Variants in ATF7 observed in about 807,000 individuals in gnomAD.
The protein encoded by ATF7 is activating transcription factor 7.
ATF7 carries 10 observed loss-of-function variants against 50.4 expected under a neutral mutation model. The ratio of observed to expected loss-of-function variants is 0.20; its 90% confidence interval spans 0.12 to 0.34. The LOEUF (loss-of-function observed/expected upper bound fraction) is 0.34, where lower values mean the gene tolerates loss of function less well. Among genes scored for constraint, ATF7 ranks in the 10% least tolerant of loss-of-function variants. The pLI is 1.00. For synonymous variants in ATF7, 201 were observed against 226.4 expected, an observed-to-expected ratio of 0.89 and a Z score of 1.01; for missense variants, 465 against 613.9, an observed-to-expected ratio of 0.76 and a Z score of 2.56.
chr12:53,520,420 A>C (rs941446395), intron 11 of ATF7, among the ~76,000 whole-genome samples: 1 of 151,586 alleles, frequency 6.6e-6, no homozygotes, highest in Non-Finnish European at 1.5e-5. Context: ...CTAAAATAAC[A>C]AAAAAAAATT....
At chr12:53,540,378 T>C (rs190751410) in intron 4 of ATF7, among the ~76,000 whole-genome samples, 2 of 147,684 alleles carry the variant, frequency 1.4e-5, no homozygotes, top group Admixed American at 1.4e-4. Context: ...GAAAAAAAAG[T>C]AGAACTACAA....
intron 1 of ATF7, among the ~76,000 whole-genome samples, chr12:53,610,713 T>G (rs188869321): frequency 6.6e-6 from 1 of 152,202 alleles, no homozygotes; most frequent in Non-Finnish European, 1.5e-5. Flanking sequence ...ATAAACATGT[T>G]ACATATGCTT....
At chr12:53,595,893 C>T (rs1337531242) in intron 2 of ATF7, among the ~76,000 whole-genome samples, 1 of 152,130 alleles carries the variant, frequency 6.6e-6, no homozygotes, top group Non-Finnish European at 1.5e-5. Flanking sequence ...CCTAAATGTC[C>T]TCTGGGAGAA....
intron 1 of ATF7, among the ~76,000 whole-genome samples, chr12:53,611,797 T>G (rs1278161039): frequency 6.6e-6 from 1 of 152,134 alleles, no homozygotes; most frequent in Admixed American, 6.5e-5. Flanking sequence ...TTTCACTGTG[T>G]TGGCCAGGCT....
intron 1 of ATF7, among the ~76,000 whole-genome samples, chr12:53,619,458 T>A (rs1329267184): frequency 7.7e-6 from 1 of 130,434 alleles, no homozygotes; most frequent in African/African-American, 3.0e-5. Flanking sequence ...CTGCACTGCA[T>A]CCTGGGAGAC....
intron 2 of ATF7, among the ~76,000 whole-genome samples, chr12:53,553,337 G>T (rs1313061545): frequency 6.6e-6 from 1 of 152,164 alleles, no homozygotes; most frequent in East Asian, 1.9e-4. Flanking sequence ...GTACAATGCT[G>T]ATGACTATAT....
intron 2 of ATF7, among the ~76,000 whole-genome samples, chr12:53,578,363 C>CGT (rs1942212361): frequency 1.9e-5 from 1 of 53,642 alleles, no homozygotes; most frequent in South Asian, 1.1e-3. Flanking sequence ...GTGAGATCTT[C>CGT]TCTCAAAAAA....
At chr12:53,525,408 G>C (rs1296363228) in intron 9 of ATF7, among the ~76,000 whole-genome samples, 1 of 152,126 alleles carries the variant, frequency 6.6e-6, no homozygotes, top group African/African-American at 2.4e-5. Context: ...TCAGAATTGG[G>C]GGAGGATTTT....
At chr12:53,614,211 T>C (rs1944017166) in intron 1 of ATF7, among the ~76,000 whole-genome samples, 1 of 151,896 alleles carries the variant, frequency 6.6e-6, no homozygotes, top group Non-Finnish European at 1.5e-5. Context: ...CCCAGAAAGG[T>C]TAATAAAGCA....
chr12:53,536,149 A>G (rs1017187489), intron 5 of ATF7, among the ~76,000 whole-genome samples: 1 of 152,144 alleles, frequency 6.6e-6, no homozygotes, highest in African/African-American at 2.4e-5. Context: ...TGCTATCCTG[A>G]GTTCTATCAT....
intron 2 of ATF7, among the ~76,000 whole-genome samples, chr12:53,587,398 C>T (rs1272299454): frequency 9.2e-6 from 1 of 108,408 alleles, no homozygotes; most frequent in Non-Finnish European, 1.9e-5. Context: ...GAAAACGTGA[C>T]GCACGCCTGT....
In ATF7 at chr12:53,620,735, C is replaced by T. The variant is rs117592789; in HGVS notation, c.-22+5544G>A. Among the ~76,000 whole-genome samples the T allele has an allele frequency of 3.9e-4, 58 of 150,594 alleles. No individual in the cohort carries two copies. In the East Asian group the frequency reaches 0.01, roughly 27 times the overall value. On this transcript the variant is annotated intron_variant, in intron 1 of 11. Coordinates refer to ENST00000420353, the MANE Select transcript of ATF7 (RefSeq NM_006856.3). ...CTGCACTCTAGCCTGGGGAACACAG[C>T]GAGACTTCGTCTCAAAAAAAAAAAG...
At chr12:53,601,619 C>A (rs1943410609) in intron 1 of ATF7, among the ~76,000 whole-genome samples, 1 of 152,148 alleles carries the variant, frequency 6.6e-6, no homozygotes, top group Non-Finnish European at 1.5e-5. Context: ...CCTCCTCCTC[C>A]CCCCACCAAT....
chr12:53,578,802 A>T (rs1045057803), intron 2 of ATF7, among the ~76,000 whole-genome samples: 26 of 151,286 alleles, frequency 1.7e-4, no homozygotes, highest in African/African-American at 4.4e-4. Context: ...AAAAAAAAAA[A>T]ATATCTGGGA....
chr12:53,619,011 C>T (rs920275219), intron 1 of ATF7, among the ~76,000 whole-genome samples: 3 of 147,322 alleles, frequency 2.0e-5, no homozygotes, highest in African/African-American at 7.6e-5. Context: ...AAGACTGCAC[C>T]ACTGCACTCC....
intron 2 of ATF7, among the ~76,000 whole-genome samples, chr12:53,595,927 C>G (rs1290582105): frequency 2.6e-5 from 4 of 152,060 alleles, no homozygotes; most frequent in African/African-American, 4.8e-5. Context: ...GACAGTAGAT[C>G]TCTCCAGGCA....
chr12:53,599,319 C>T (rs906662834), intron 2 of ATF7, among the ~76,000 whole-genome samples: 1 of 151,992 alleles, frequency 6.6e-6, no homozygotes, highest in Non-Finnish European at 1.5e-5. Context: ...GGATTACAGG[C>T]ATGAGCCATA....
chr12:53,514,501 A>G lies in ATF7; in HGVS notation c.*2636T>C, dbSNP rs1944227652. 1 of 152,204 alleles carries G rather than the reference A, an allele frequency of 6.6e-6. No individual in the cohort carries two copies. Among genetic ancestry groups the G allele is most frequent in the Non-Finnish European group, 1.5e-5 (1 of 68,044 alleles). The allele number at this position is 152,204 out of a possible 1,614,324, so 9.4% of individuals were successfully genotyped here. A position where few individuals can be genotyped will look rare whatever the true frequency, so the allele number is the denominator to read the frequency against. The stretch of plus-strand genomic sequence containing the variant: ...AACAAGGTAAGTGAAGTTACCTTTG[A>G]CTATCAGAGAAGTTTCAGGGCAGCA... On this transcript the variant is annotated 3_prime_UTR_variant, in exon 12 of 12. Transcript: ENST00000420353.
At position 53,524,585 on chromosome 12, in the gene ATF7, A is replaced by T. The variant is rs1208427858; in HGVS notation, c.1104T>A (p.Thr368=). 3.1e-6 allele frequency: 5 copies of T among 1,613,962 alleles called. No individual in the cohort carries two copies. Among genetic ancestry groups the T allele is most frequent in the Non-Finnish European group, 3.4e-6 (4 of 1,179,896 alleles). Residue 368 remains threonine, a synonymous_variant, in exon 10 of 12, where the codon ACT becomes ACA. Transcript: ENST00000420353. This position sits in a 1 kb window ranked among gnomAD's most constrained non-coding sequence, Gnocchi z 4.6. ...TCACACTCAGCTGAATGTTCTGAGA[A>T]GTGAGTTCTTCGGCCTTCTTCTCTA... ...SSLEKKAEEL[T]SQNIQLSNEV... is the part of the protein sequence containing the mutation.
Sources: gnomAD v4.1 joint callset for allele counts (sites outside exome capture counted in the v4.1 genomes callset) on GRCh38, gnomAD v4.1.1 for gene constraint, Gnocchi (gnomAD v3.1) non-coding constraint, MANE v1.5 for transcripts, NCBI Gene and HGNC (gene_info 2026-07-23, HGNC 2026-07-21) for gene names.